The following RBFOX1 variants were observed in gnomAD, a reference collection of about 807,000 sequenced individuals.
RBFOX1 encodes the protein RNA binding fox-1 homolog 1, also known as RNA binding protein fox-1 homolog 1.
In RBFOX1, 8 loss-of-function variants were observed where a neutral mutation model predicts 57.7. The ratio of observed to expected loss-of-function variants is 0.14; its 90% confidence interval spans 0.08 to 0.25. RBFOX1 has a LOEUF of 0.25. RBFOX1 is among the 10% of genes least tolerant of loss of function. RBFOX1 has a pLI of 1.00. For missense variants in RBFOX1, 611 were observed against 548.5 expected, an observed-to-expected ratio of 1.11 and a Z score of -1.14; for synonymous variants, 326 against 222.4, an observed-to-expected ratio of 1.47 and a Z score of -4.15.
intron 3 of RBFOX1, among the ~76,000 whole-genome samples, chr16:6,915,697 C>G (rs1017637293): frequency 6.6e-6 from 1 of 151,766 alleles, no homozygotes; most frequent in African/African-American, 2.4e-5. Flanking sequence ...AGTACAGGTG[C>G]GCACCACCAT....
At chr16:6,962,634 G>A (rs2083265645) in intron 3 of RBFOX1, among the ~76,000 whole-genome samples, 2 of 152,134 alleles carry the variant, frequency 1.3e-5, no homozygotes. Context: ...GGAGGCCGAG[G>A]CCGGTAGATT....
chr16:5,920,156 G>C (rs916769490), intron 4 of RBFOX1, among the ~76,000 whole-genome samples: 5 of 152,028 alleles, frequency 3.3e-5, no homozygotes, highest in Non-Finnish European at 5.9e-5. Context: ...GGATGGTCTC[G>C]ATCTCCTGAC....
chr16:6,399,651 A>C lies in RBFOX1; in HGVS notation c.-64+82594A>C, dbSNP rs1296039848. On this transcript the variant is annotated intron_variant, in intron 2 of 15. Coordinates refer to ENST00000550418, the MANE Select transcript of RBFOX1 (RefSeq NM_018723.4). ...AACCTCTGCCTGTTACCCAGTTCCA[A>C]AGTCACTTCCACATTTTTGGGTATC... Among the ~76,000 whole-genome samples the C allele has an allele frequency of 4.6e-5, 7 of 152,294 alleles. No homozygotes were observed. The East Asian group carries it at 1.3e-3, about 29-fold the overall frequency.
At chr16:6,794,386 G>GA (rs532891359) in intron 3 of RBFOX1, among the ~76,000 whole-genome samples, 41 of 145,402 alleles carry the variant, frequency 2.8e-4, no homozygotes, top group African/African-American at 9.3e-4. Context: ...TACACTCTTT[G>GA]AAAAAAAATG....
intron 5 of RBFOX1, among the ~76,000 whole-genome samples, chr16:7,535,671 C>T (rs2081299768): frequency 6.6e-6 from 1 of 152,256 alleles, no homozygotes; most frequent in South Asian, 2.1e-4. Context: ...TTTGAAAATC[C>T]ACCCTTAGTT....
chr16:5,633,901 G>T (rs2048600769), intron 3 of RBFOX1, among the ~76,000 whole-genome samples: 1 of 150,064 alleles, frequency 6.7e-6, no homozygotes, highest in Non-Finnish European at 1.5e-5. Flanking sequence ...GTTCTCAAAA[G>T]AAGATATACA....
chr16:6,573,669 G>C (rs1229256801), intron 2 of RBFOX1: 1 of 152,268 alleles, frequency 6.6e-6, no homozygotes, highest in Admixed American at 6.5e-5. Context: ...CGGGGCTGCT[G>C]TCTGCTGTGT....
chr16:7,212,296 C>G (rs1450394556), intron 4 of RBFOX1, among the ~76,000 whole-genome samples: 1 of 152,104 alleles, frequency 6.6e-6, no homozygotes, highest in Non-Finnish European at 1.5e-5. Flanking sequence ...GTCCCTTTGC[C>G]TCTGCTGTTC....
At chr16:7,304,098 C>A in intron 4 of RBFOX1, 1 of 606,564 alleles carries the variant, frequency 1.6e-6, no homozygotes, top group Non-Finnish European at 2.1e-6. Context: ...TAGTTGGAGG[C>A]AGAGGAACGC....
chr16:7,262,839 G>A (rs1012572220), intron 4 of RBFOX1, among the ~76,000 whole-genome samples: 2 of 152,254 alleles, frequency 1.3e-5, no homozygotes, highest in Admixed American at 6.5e-5. Flanking sequence ...TGACTCAGAT[G>A]TGGGGTGTCA....
At chr16:7,121,445 A>G (rs940942495) in intron 4 of RBFOX1, among the ~76,000 whole-genome samples, 2 of 152,162 alleles carry the variant, frequency 1.3e-5, no homozygotes, top group African/African-American at 2.4e-5. Context: ...TTTGGAAGTC[A>G]AAACTTAAAA....
At chr16:6,824,514 T>A (rs1293294855) in intron 3 of RBFOX1, among the ~76,000 whole-genome samples, 1 of 152,212 alleles carries the variant, frequency 6.6e-6, no homozygotes, top group African/African-American at 2.4e-5. Context: ...TTTCATTTTT[T>A]AAAAATTAAC....
chr16:5,987,047 A>G (rs1394899246), intron 4 of RBFOX1, among the ~76,000 whole-genome samples: 1 of 152,050 alleles, frequency 6.6e-6, no homozygotes, highest in Non-Finnish European at 1.5e-5. Context: ...GATTGTCATT[A>G]TTTTTAATTT....
intron 3 of RBFOX1, among the ~76,000 whole-genome samples, chr16:5,734,005 C>T (rs1386563968): frequency 6.6e-6 from 1 of 152,174 alleles, no homozygotes; most frequent in Non-Finnish European, 1.5e-5. Flanking sequence ...CCTATTAGAG[C>T]TGAAGAGAAC....
At chr16:7,629,637 C>T (rs17144399) in intron 10 of RBFOX1, among the ~76,000 whole-genome samples, 37,180 of 152,164 alleles carry the variant, frequency 0.24, 8,241 homozygotes, top group African/African-American at 0.6. Context: ...GAAAGTAGCA[C>T]TGATACCCTG....
intron 1 of RBFOX1, among the ~76,000 whole-genome samples, chr16:6,169,272 G>A (rs1484038012): frequency 1.3e-5 from 2 of 152,048 alleles, no homozygotes; most frequent in Non-Finnish European, 1.5e-5. Context: ...ATAAAATGTG[G>A]CCTGGAGAGT....
chr16:6,399,877 A>G (rs1328734430), intron 2 of RBFOX1, among the ~76,000 whole-genome samples: 1 of 152,188 alleles, frequency 6.6e-6, no homozygotes, highest in Admixed American at 6.5e-5. Context: ...AGGAGAGAGA[A>G]TGAGTGCCCA....
At chr16:7,440,655 G>C (rs2098758772) in intron 4 of RBFOX1, among the ~76,000 whole-genome samples, 4 of 152,092 alleles carry the variant, frequency 2.6e-5, no homozygotes. Flanking sequence ...CACAGGTTTT[G>C]CTCCAAGACT....
rs554903008 is a variant in RBFOX1 at position 7,360,164 on chromosome 16, C to T, written c.28-157983C>T. On this transcript the variant is annotated intron_variant, in intron 4 of 15. Coordinates refer to ENST00000550418, the MANE Select transcript of RBFOX1 (RefSeq NM_018723.4). ...TATCTCATGTATATACTATTTAATA[C>T]GCTACATGCATTCTGCATGTCACAT... 1.6e-4 allele frequency among the ~76,000 whole-genome samples: 25 copies of T among 152,210 alleles called. 1 individual carries two copies. Among genetic ancestry groups the T allele is most frequent in the South Asian group, 4.1e-4 (2 of 4,824 alleles).
Sources: gnomAD v4.1 joint callset for allele counts (sites outside exome capture counted in the v4.1 genomes callset) on GRCh38, gnomAD v4.1.1 for gene constraint, MANE v1.5 for transcripts, NCBI Gene and HGNC (gene_info 2026-07-23, HGNC 2026-07-21) for gene names.